The following PIK3AP1 variants were observed in gnomAD, a reference collection of about 807,000 sequenced individuals.
PIK3AP1 encodes the protein phosphoinositide-3-kinase adaptor protein 1.
A neutral mutation model predicts 88.1 loss-of-function variants in PIK3AP1; 21 were observed. The observed-to-expected ratio is 0.24, with a 90% confidence interval of 0.17 to 0.34. The LOEUF (loss-of-function observed/expected upper bound fraction) is 0.34. Ranked by LOEUF, PIK3AP1 falls within the 10% of genes least tolerant of loss-of-function variation. The pLI is 1.00. For missense variants in PIK3AP1, 828 were observed against 1,035.7 expected (o/e 0.80, Z 2.75); for synonymous variants, 398 against 400.0 (o/e 1.00, Z 0.06).
chr10:96,648,668 G>A lies in PIK3AP1; in HGVS notation c.1176C>T (p.Asp392=), dbSNP rs540002592. The change falls in exon 7 of 17, where the codon GAC becomes GAT. Residue 392 remains aspartate, a synonymous_variant. Transcript: ENST00000339364. ...HGFRDLRQFI[D]EYVETVDMLK... is the part of the protein sequence containing the mutation. ...CCTGCCTTGACCTTACCACATACTC[G>A]TCGATGAACTGCCGCAGGTCCCTGA... 1.5e-5 allele frequency: 24 copies of A among 1,607,278 alleles called. No homozygotes were observed. The highest frequency in any genetic ancestry group is 3.4e-5 in the Admixed American group (2 of 58,716).
At chr10:96,615,939 G>A (rs1041617101) in intron 13 of PIK3AP1, among the ~76,000 whole-genome samples, 2 of 152,170 alleles carry the variant, frequency 1.3e-5, no homozygotes, top group African/African-American at 4.8e-5. Flanking sequence ...AGATCTGAGT[G>A]CCTCTGAAAG....
At chr10:96,605,286 T>C (rs532895356) in intron 14 of PIK3AP1, among the ~76,000 whole-genome samples, 6 of 152,196 alleles carry the variant, frequency 3.9e-5, no homozygotes, top group Non-Finnish European at 7.3e-5. Flanking sequence ...TCAGGGCATC[T>C]TTTACTGTGT....
chr10:96,650,811 T>C (rs1378830692), intron 6 of PIK3AP1, among the ~76,000 whole-genome samples: 1 of 152,136 alleles, frequency 6.6e-6, no homozygotes, highest in African/African-American at 2.4e-5. Context: ...CTCCTGCAGA[T>C]CAAAGCATAG....
chr10:96,709,679 C>G lies in PIK3AP1; in HGVS notation c.318G>C (p.Arg106=), dbSNP rs369999871. 6.2e-7 allele frequency: 1 copy of G among 1,614,260 alleles called. No individual in the cohort carries two copies. Among genetic ancestry groups the G allele is most frequent in the South Asian group, 1.1e-5 (1 of 91,080 alleles). The change falls in exon 2 of 17, where the codon CGG becomes CGC. Residue 106 remains arginine, a synonymous_variant. Transcript: ENST00000339364. The part of the protein sequence containing the change: ...HRVVRLLCGV[R]DSEEFLDFFP... The stretch of plus-strand genomic sequence containing the variant: ...AGAAGTCTAGGAACTCCTCGCTGTC[C>G]CGCACGCCGCAGAGCAGCCTGACCA...
At chr10:96,668,332 G>A (rs75219969) in intron 2 of PIK3AP1, among the ~76,000 whole-genome samples, 1,681 of 152,240 alleles carry the variant, frequency 0.011, 31 homozygotes, top group African/African-American at 0.038. Flanking sequence ...AGCCAAAAAC[G>A]AGGTTGGTGG....
At chr10:96,690,366 G>T (rs1328408497) in intron 2 of PIK3AP1, among the ~76,000 whole-genome samples, 1 of 152,140 alleles carries the variant, frequency 6.6e-6, no homozygotes, top group Non-Finnish European at 1.5e-5. Flanking sequence ...GGGCTCAAGT[G>T]ATCCTCCCAC....
intron 2 of PIK3AP1, among the ~76,000 whole-genome samples, chr10:96,665,076 A>G (rs1416940081): frequency 6.6e-6 from 1 of 150,522 alleles, no homozygotes. Flanking sequence ...GTTTGAGCGA[A>G]GGTACTCTGA....
In PIK3AP1 at chr10:96,676,837, G is replaced by A. The variant is rs116341681; in HGVS notation, c.431-19903C>T. ...CTTTTCTAGGGAGTTTTAAGTTTCC[G>A]TATTGAGCTGGAATCTAACCCTTGA... On this transcript the variant is annotated intron_variant, in intron 2 of 16. Transcript: ENST00000339364. Among the ~76,000 whole-genome samples the A allele has an allele frequency of 7.3e-3, 1,107 of 152,098 alleles. 11 individuals are homozygous for A. Among genetic ancestry groups the A allele is most frequent in the African/African-American group, 0.025 (1,048 of 41,472 alleles).
intron 12 of PIK3AP1, among the ~76,000 whole-genome samples, chr10:96,618,226 G>T (rs1843023927): frequency 6.6e-6 from 1 of 152,192 alleles, no homozygotes; most frequent in South Asian, 2.1e-4. Flanking sequence ...TAGAAACACA[G>T]AAAGACATGG....
intron 11 of PIK3AP1, 78 bp from the exon 12 acceptor site, chr10:96,620,635 TG>T: frequency 5.4e-6 from 7 of 1,291,180 alleles, no homozygotes; most frequent in Non-Finnish European, 7.7e-6. Context: ...TTAATGAGGC[TG>T]GTCACAGGCT....
chr10:96,717,909 A>ACG (rs1182938966), intron 1 of PIK3AP1, among the ~76,000 whole-genome samples: 14 of 152,346 alleles, frequency 9.2e-5, no homozygotes, highest in African/African-American at 3.4e-4. Context: ...ACAAGCAGAC[A>ACG]TCTTTCAGAA....
chr10:96,617,903 GA>G (rs1843017732), intron 12 of PIK3AP1, among the ~76,000 whole-genome samples: 2 of 152,196 alleles, frequency 1.3e-5, no homozygotes, highest in Non-Finnish European at 2.9e-5. Flanking sequence ...TGGAAACATG[GA>G]ACTGGAGACA....
rs759000128 is a variant in PIK3AP1 at position 96,623,588 on chromosome 10, C to A, written c.1670-51G>T. ...ACTGAAAAAGTATCAAAATCCAGTACAAAATAATAATAATAATGAATCCAT... is the reference window on the plus strand; with the variant it reads ...ACTGAAAAAGTATCAAAATCCAGTAAAAAATAATAATAATAATGAATCCAT... On this transcript the variant is annotated intron_variant, in intron 10 of 16. Transcript: ENST00000339364. 12 of 1,445,356 alleles carry A rather than the reference C, an allele frequency of 8.3e-6. No individual in the cohort carries two copies. In the Admixed American group the frequency reaches 1.0e-4, roughly 12 times the overall value. 89.5% of individuals were successfully genotyped at this position (1,445,356 alleles called of 1,614,324 possible).
intron 2 of PIK3AP1, among the ~76,000 whole-genome samples, chr10:96,707,332 G>C (rs568414134): frequency 6.6e-6 from 1 of 152,026 alleles, no homozygotes; most frequent in Non-Finnish European, 1.5e-5. Context: ...TTGCTCTGTC[G>C]CCCAGGCTGG....
chr10:96,633,582 T>C (rs75756477), intron 8 of PIK3AP1, among the ~76,000 whole-genome samples: 4,692 of 152,302 alleles, frequency 0.031, 109 homozygotes, highest in Middle Eastern at 0.092. Context: ...TTATTATTAT[T>C]TTTATTGTTA....
At chr10:96,632,755 T>C (rs1843261143) in intron 8 of PIK3AP1, 1 of 1,124,182 alleles carries the variant, frequency 8.9e-7, no homozygotes, top group African/African-American at 1.6e-5. Flanking sequence ...ACAGGATGAT[T>C]AGAAGCGTGG....
chr10:96,700,561 T>C lies in PIK3AP1; in HGVS notation c.430+9006A>G, dbSNP rs185123455. 4.5e-4 allele frequency among the ~76,000 whole-genome samples: 69 copies of C among 152,256 alleles called. 1 individual carries two copies. Among genetic ancestry groups the C allele is most frequent in the East Asian group, 3.9e-4 (2 of 5,190 alleles). ...TATCTTCTTCCCCAAATCAAAAAGA[T>C]CATTTCAAAAAGGAAGAGAAAAAGA... is the stretch of plus-strand genomic sequence containing the variant. On this transcript the variant is annotated intron_variant, in intron 2 of 16. Coordinates refer to ENST00000339364, the MANE Select transcript of PIK3AP1 (RefSeq NM_152309.3).
rs928493214 is a variant in PIK3AP1, at chr10:96,684,074, C to T, written c.430+25493G>A. Among the ~76,000 whole-genome samples the T allele has an allele frequency of 5.3e-5, 8 of 152,164 alleles. No individual in the cohort carries two copies. The East Asian group carries it at 7.7e-4, about 15-fold the overall frequency. On this transcript the variant is annotated intron_variant, in intron 2 of 16. Coordinates refer to ENST00000339364, the MANE Select transcript of PIK3AP1 (RefSeq NM_152309.3). ...CTGACTTAGTTCCAGTGCCATTCTG[C>T]CACTTAGGAGATAGGGCTGAATTCC...
chr10:96,673,669 A>G (rs566483416), intron 2 of PIK3AP1, among the ~76,000 whole-genome samples: 39 of 152,134 alleles, frequency 2.6e-4, no homozygotes, highest in Non-Finnish European at 4.4e-4. Flanking sequence ...ATCAGTTCTT[A>G]TCTAGACAGA....
Sources: gnomAD v4.1 joint callset for allele counts (sites outside exome capture counted in the v4.1 genomes callset) on GRCh38, gnomAD v4.1.1 for gene constraint, MANE v1.5 for transcripts, NCBI Gene and HGNC (gene_info 2026-07-23, HGNC 2026-07-21) for gene names.